Variants in NEBL observed in about 807,000 individuals in gnomAD.
NEBL encodes nebulette, also known as LIM and SH3 protein 2.
NEBL carries 122 observed loss-of-function variants against 140.2 expected under a neutral mutation model. That is an observed-to-expected ratio of 0.87 (90% CI 0.75 to 1.01). The LOEUF is 1.01. Among genes scored for constraint, NEBL ranks in the 50% least tolerant of loss-of-function variants. NEBL has a pLI of 0.00. For missense variants in NEBL, 1,365 were observed against 1,231.3 expected (o/e 1.11, Z -1.62); for synonymous variants, 436 against 398.9 (o/e 1.09, Z -1.11).
Position 20,897,000 on chromosome 10 carries a change from T to G in NEBL, c.111A>C (p.Leu37Phe). The change falls in exon 2 of 28, where the codon TTA becomes TTC. Residue 37 changes from leucine (L) to phenylalanine (F), a missense_variant. Transcript: ENST00000377122. Reference sequence around the variant, plus strand: ...TGCATTTTCTGGCCAATTCCATGCTTAAGTCTTCAATAACAGGCTTATAGA... The same window carrying G: ...TGCATTTTCTGGCCAATTCCATGCTGAAGTCTTCAATAACAGGCTTATAGA... Reference protein sequence around the residue: ...QVFYKPVIEDLSMELARKCTE... With the variant: ...QVFYKPVIEDFSMELARKCTE... The G allele has an allele frequency of 6.2e-7, 1 of 1,614,078 alleles. No homozygotes were observed. The highest frequency in any genetic ancestry group is 2.2e-5 in the East Asian group (1 of 44,860).
At position 21,005,798 on chromosome 10, in the gene NEBL, G is replaced by C. The variant is rs11012479; in HGVS notation, c.249+14319C>G. ...TATTTTTACATCTACCCACCCATAAGTATAATCTGATACAATGAATTACTG... is the reference window on the plus strand; with the variant it reads ...TATTTTTACATCTACCCACCCATAACTATAATCTGATACAATGAATTACTG... On this transcript the variant is annotated intron_variant, in intron 3 of 6. Coordinates refer to the NEBL transcript ENST00000417816. Among the ~76,000 whole-genome samples the C allele has an allele frequency of 0.052, 7,775 of 149,980 alleles. 987 individuals are homozygous for C. The East Asian group carries it at 0.54, about 10-fold the overall frequency.
intron 3 of NEBL, among the ~76,000 whole-genome samples, chr10:20,988,652 A>G (rs1837345409): frequency 2.0e-5 from 3 of 152,182 alleles, no homozygotes; most frequent in Admixed American, 1.3e-4. Context: ...TGTGTCACCT[A>G]GATCCCTGTT....
At chr10:21,243,166 T>C (rs1588555798) in intron 3 of NEBL, among the ~76,000 whole-genome samples, 1 of 152,114 alleles carries the variant, frequency 6.6e-6, no homozygotes, top group African/African-American at 2.4e-5. Flanking sequence ...GGGAAGTGTC[T>C]ACTGAGTGAG....
chr10:20,964,833 G>C (rs148428319), intron 3 of NEBL, among the ~76,000 whole-genome samples: 3 of 152,272 alleles, frequency 2.0e-5, no homozygotes, highest in East Asian at 1.9e-4. Context: ...CACCATCTGA[G>C]CACCTGAATT....
Position 21,149,140 on chromosome 10 carries a change from G to A in NEBL, c.164+23243C>T, listed in dbSNP as rs921344490. ...GTCCACGCTTCAATCACACCTATCC[G>A]GTGAAGCGTCCCAAAAAGGCCCAAG... On this transcript the variant is annotated intron_variant, in intron 2 of 6. Transcript: ENST00000417816. Among the ~76,000 whole-genome samples, 7 of 152,150 alleles carry A rather than the reference G, an allele frequency of 4.6e-5. 1 individual carries two copies. Among genetic ancestry groups the A allele is most frequent in the African/African-American group, 1.7e-4 (7 of 41,430 alleles).
At chr10:21,060,745 C>T (rs575573235) in intron 2 of NEBL, among the ~76,000 whole-genome samples, 2 of 152,190 alleles carry the variant, frequency 1.3e-5, no homozygotes, top group African/African-American at 4.8e-5. Flanking sequence ...CAATCTAATT[C>T]TCATCCTTAC....
intron 26 of NEBL, among the ~76,000 whole-genome samples, chr10:20,798,115 A>G (rs1290781144): frequency 1.3e-5 from 2 of 151,864 alleles, no homozygotes; most frequent in Non-Finnish European, 2.9e-5. Flanking sequence ...AATTACAAAA[A>G]AAAAAAAAAA....
rs117090480 is a variant in NEBL, at chr10:21,018,517, T to C, written c.249+1600A>G. ...AAACCAGTATACAAACACCAGCATTTTACACAAACTAAAAAATAGCTCCCA... is the reference window on the plus strand; with the variant it reads ...AAACCAGTATACAAACACCAGCATTCTACACAAACTAAAAAATAGCTCCCA... On this transcript the variant is annotated intron_variant, in intron 3 of 6. Transcript: ENST00000417816. 3.2e-3 allele frequency among the ~76,000 whole-genome samples: 489 copies of C among 152,218 alleles called. 4 individuals carry two copies. Among genetic ancestry groups the C allele is most frequent in the Admixed American group, 0.023 (357 of 15,296 alleles).
chr10:20,943,435 T>G (rs1834998109), intron 4 of NEBL, among the ~76,000 whole-genome samples: 1 of 152,138 alleles, frequency 6.6e-6, no homozygotes, highest in African/African-American at 2.4e-5. Flanking sequence ...CACCGCGGCC[T>G]GTGGTGGGTT....
Position 20,880,784 on chromosome 10 carries a change from G to C in NEBL, c.480+10C>G. ...TTCGCTAGAAAATCATGAGAAATGCGCTTCCTTACATTACTCTGGTGTTTA... is the reference window on the plus strand; with the variant it reads ...TTCGCTAGAAAATCATGAGAAATGCCCTTCCTTACATTACTCTGGTGTTTA... On this transcript the variant is annotated intron_variant, in intron 5 of 27. Coordinates refer to ENST00000377122, the MANE Select transcript of NEBL (RefSeq NM_006393.3). The C allele has an allele frequency of 6.3e-7, 1 of 1,580,876 alleles. No individual in the cohort carries two copies. The highest frequency in any genetic ancestry group is 8.7e-7 in the Non-Finnish European group (1 of 1,149,686).
intron 8 of NEBL, among the ~76,000 whole-genome samples, chr10:20,859,018 T>C (rs751231846): frequency 6.6e-6 from 1 of 152,142 alleles, no homozygotes; most frequent in South Asian, 2.1e-4. Context: ...CTATGTTCCA[T>C]GTTCCTTTAA....
intron 2 of NEBL, among the ~76,000 whole-genome samples, chr10:21,090,976 C>T (rs1201141092): frequency 6.6e-6 from 1 of 152,020 alleles, no homozygotes; most frequent in Non-Finnish European, 1.5e-5. Context: ...TCCCAGCGTC[C>T]CACCACCACC....
intron 26 of NEBL, among the ~76,000 whole-genome samples, chr10:20,803,119 C>T (rs371936568): frequency 1.3e-5 from 2 of 152,214 alleles, no homozygotes; most frequent in East Asian, 1.9e-4. Flanking sequence ...TATTAAAGGA[C>T]GTCTTTCTGG....
chr10:20,898,206 C>A (rs1008317161), upstream of NEBL, among the ~76,000 whole-genome samples: 1 of 152,026 alleles, frequency 6.6e-6, no homozygotes. Flanking sequence ...ATTTTAATGT[C>A]AATTCAGGCA....
rs975334367 is a variant in NEBL, at chr10:21,211,100, G to T, written n.348+36821C>A. Among the ~76,000 whole-genome samples, 3 of 152,202 alleles carry T rather than the reference G, an allele frequency of 2.0e-5. 1 individual carries two copies. The highest frequency in any genetic ancestry group is 2.0e-4 in the Admixed American group (3 of 15,280). ...TAGGAATAAAGGCCACTCGCAGAAA[G>T]AGGAGATAGACTAAGTCTCGATTTG... On this transcript the variant is annotated intron_variant and non_coding_transcript_variant, in intron 3 of 8. Coordinates refer to the NEBL transcript ENST00000675702.
intron 4 of NEBL, among the ~76,000 whole-genome samples, chr10:20,918,449 T>C (rs890023218): frequency 6.6e-6 from 1 of 152,126 alleles, no homozygotes; most frequent in African/African-American, 2.4e-5. Flanking sequence ...TCATCAGTAG[T>C]AGTGAAATAA....
intron 2 of NEBL, among the ~76,000 whole-genome samples, chr10:21,036,437 C>T (rs1357931893): frequency 6.6e-6 from 1 of 151,780 alleles, no homozygotes; most frequent in South Asian, 2.1e-4. Flanking sequence ...CTGGGCAACA[C>T]GGCAAGGATC....
At chr10:21,180,977 G>T (rs1484058353) in intron 3 of NEBL, among the ~76,000 whole-genome samples, 2 of 152,024 alleles carry the variant, frequency 1.3e-5, no homozygotes, top group East Asian at 3.9e-4. Context: ...ATTAATTCAT[G>T]TAGGCCAGGC....
At chr10:20,884,339 A>T (rs564603894) in intron 4 of NEBL, among the ~76,000 whole-genome samples, 3 of 152,160 alleles carry the variant, frequency 2.0e-5, no homozygotes, top group African/African-American at 7.2e-5. Context: ...GGCCTTCCAA[A>T]GTTCTGGGAT....
Sources: allele counts gnomAD v4.1 joint callset (sites outside exome capture counted in the v4.1 genomes callset), GRCh38; gene constraint gnomAD v4.1.1; transcripts MANE v1.5; gene names NCBI Gene and HGNC (gene_info 2026-07-23, HGNC 2026-07-21).